The following MOV10L1 variants were observed in gnomAD, a reference collection of about 807,000 sequenced individuals.
The protein encoded by MOV10L1 is RNA helicase Mov10l1.
Under a neutral mutation model 143.8 loss-of-function variants are expected in MOV10L1, and 110 were observed. That is an observed-to-expected ratio of 0.76 (90% confidence interval 0.66 to 0.90). MOV10L1 has a LOEUF of 0.90. Ranked by LOEUF, MOV10L1 falls within the 40% of genes least tolerant of loss-of-function variation. The probability of loss-of-function intolerance (pLI) is 0.00; values close to 1 mark genes in which losing one functional copy is unlikely to be tolerated. For synonymous variants in MOV10L1, 593 were observed against 581.1 expected (o/e 1.02, Z -0.29); for missense variants, 1,406 against 1,526.8 (o/e 0.92, Z 1.32).
At chr22:50,128,285 T>C (rs531799649) in intron 12 of MOV10L1, 131 bp from the exon 13 acceptor site, 2 of 613,444 alleles carry the variant, frequency 3.3e-6, no homozygotes, top group East Asian at 5.5e-5. Context: ...AATGATTTAA[T>C]CCTTTTCAAC....
chr22:50,125,630 A>C, intron 11 of MOV10L1, 61 bp downstream of exon 11: 1 of 1,513,216 alleles, frequency 6.6e-7, no homozygotes, highest in African/African-American at 1.4e-5. Context: ...ACTTGAGAGA[A>C]GATACTCTTT....
chr22:50,154,972 T>C (rs2147453413), intron 22 of MOV10L1, among the ~76,000 whole-genome samples: 1 of 152,292 alleles, frequency 6.6e-6, no homozygotes, highest in Non-Finnish European at 1.5e-5. Flanking sequence ...TGGGAGTCAG[T>C]TTGCTTTTAG....
rs895101730 is a variant in MOV10L1, at chr22:50,152,653, A to C, written c.2893-392A>C. ...TCCTTCCCTGTGGCCAAGCGGAGGC[A>C]GGGCTGTGTGGGCCAACAAGATGCT... On this transcript the variant is annotated intron_variant, in intron 21 of 26. Coordinates refer to ENST00000262794, the MANE Select transcript of MOV10L1 (RefSeq NM_018995.3). The surrounding 1 kb of genome is among the most constrained non-coding windows in gnomAD (Gnocchi z 4.4). 3.3e-5 allele frequency among the ~76,000 whole-genome samples: 5 copies of C among 152,126 alleles called. No homozygotes were observed.
At chr22:50,128,391 G>A (rs752230442) in intron 12 of MOV10L1, 25 bp from the exon 13 acceptor site, 1 of 1,187,404 alleles carries the variant, frequency 8.4e-7, no homozygotes, top group Non-Finnish European at 1.2e-6. Flanking sequence ...CAAGAAATCA[G>A]GTATATTGTT....
At chr22:50,106,324 TC>T (rs905184016) in intron 3 of MOV10L1, among the ~76,000 whole-genome samples, 2 of 115,010 alleles carry the variant, frequency 1.7e-5, no homozygotes, top group Non-Finnish European at 3.7e-5. Flanking sequence ...CCCAACTAAT[TC>T]TTTTTTTTTT....
At chr22:50,144,062 G>A (rs1322610894) in intron 17 of MOV10L1, 35 bp from the exon 18 acceptor site, 1 of 1,588,672 alleles carries the variant, frequency 6.3e-7, no homozygotes, top group African/African-American at 1.3e-5. Flanking sequence ...CGGTGTGGAT[G>A]TTGAGCCTTG....
In MOV10L1 at chr22:50,161,048, C is replaced by T. The variant is rs1196099671; in HGVS notation, c.3547C>T (p.Leu1183=). The T allele has an allele frequency of 6.2e-7, 1 of 1,614,010 alleles. No homozygotes were observed. The highest frequency in any genetic ancestry group is 1.3e-5 in the African/African-American group (1 of 75,052). The change falls in exon 26 of 27, where the codon CTG becomes TTG. Residue 1183 remains leucine (L), a synonymous_variant. Coordinates refer to ENST00000262794, the MANE Select transcript of MOV10L1 (RefSeq NM_018995.3). ...CGATTTACCTCCTGCACTGCAGTCT[C>T]TGCAAAAGTGAGCGCTTCTGCTGTC... The part of the protein sequence containing the change: ...GCDLPPALQS[L]QNCGEGVADP...
chr22:50,134,043 C>T lies in MOV10L1; in HGVS notation c.1947C>T (p.His649=), dbSNP rs755647647. Residue 649 remains histidine (H), a synonymous_variant, in exon 14 of 27, where the codon CAC becomes CAT. Transcript: ENST00000262794. Reference sequence around the variant, plus strand: ...GACGGTGTCACTTTGCACTTGAACACGTCATCCACTTAGGTGTAAAAGGTA... The same window carrying T: ...GACGGTGTCACTTTGCACTTGAACATGTCATCCACTTAGGTGTAAAAGGTA... ...TSRRCHFALE[H]VIHLGVKVLF... 1.3e-5 allele frequency: 21 copies of T among 1,612,042 alleles called. No homozygotes were observed. Among genetic ancestry groups the T allele is most frequent in the Middle Eastern group, 1.6e-4 (1 of 6,082 alleles).
In MOV10L1 at chr22:50,161,346, TC is replaced by T. The variant is rs1364641566; in HGVS notation, c.3555-20del. On this transcript the variant is annotated intron_variant, in intron 26 of 26. Coordinates refer to ENST00000262794, the MANE Select transcript of MOV10L1 (RefSeq NM_018995.3). ...CTGTGGGAGCCTGGCTCACTGGCCATCCGCTTCTCCTCTGTCTACAGCTGTG... is the reference window on the plus strand; with the variant it reads ...CTGTGGGAGCCTGGCTCACTGGCCATCGCTTCTCCTCTGTCTACAGCTGTG... 16 of 1,545,952 alleles carry T rather than the reference TC, an allele frequency of 1.0e-5. No individual in the cohort carries two copies. In the Admixed American group the frequency reaches 1.4e-4, roughly 14 times the overall value.
rs749833635 is a variant in MOV10L1 at position 50,143,352 on chromosome 22, C to A, written c.2358+131C>A. On this transcript the variant is annotated intron_variant, in intron 17 of 26. Transcript: ENST00000262794. ...AGAGCTTGAGAAATACCAGTTATTT[C>A]ATAATGTTAAGTCTGTTTTTGTGGA... 9 of 1,045,786 alleles carry A rather than the reference C, an allele frequency of 8.6e-6. No homozygotes were observed. In the East Asian group the frequency reaches 1.7e-4, roughly 20 times the overall value. The allele number at this position is 1,045,786 out of a possible 1,614,324, so 64.8% of individuals were successfully genotyped here. A position where few individuals can be genotyped will look rare whatever the true frequency, so the allele number is the denominator to read the frequency against.
intron 22 of MOV10L1, among the ~76,000 whole-genome samples, chr22:50,157,356 C>A (rs913746607): frequency 6.6e-6 from 1 of 152,180 alleles, no homozygotes; most frequent in African/African-American, 2.4e-5. Flanking sequence ...TCCAGCATAT[C>A]CCTTTTAGTT....
intron 10 of MOV10L1, among the ~76,000 whole-genome samples, 173 bp downstream of exon 10, chr22:50,120,789 C>T (rs1422934264): frequency 1.3e-5 from 2 of 152,214 alleles, no homozygotes. Context: ...CACCATAGCA[C>T]TCACGCTGCC....
In MOV10L1 at chr22:50,152,109, G is replaced by C. The variant is rs556969407; in HGVS notation, c.2893-936G>C. ...GAGGACTCACGGGGCCAATCATGGCGTTCTCGTGCCAGTGTCATCTGGCGA... is the reference window on the plus strand; with the variant it reads ...GAGGACTCACGGGGCCAATCATGGCCTTCTCGTGCCAGTGTCATCTGGCGA... On this transcript the variant is annotated intron_variant, in intron 21 of 26. Transcript: ENST00000262794. This position sits in a 1 kb window ranked among gnomAD's most constrained non-coding sequence, Gnocchi z 4.4. Among the ~76,000 whole-genome samples the C allele has an allele frequency of 6.6e-6, 1 of 152,054 alleles. No individual in the cohort carries two copies. Among genetic ancestry groups the C allele is most frequent in the Non-Finnish European group, 1.5e-5 (1 of 68,000 alleles).
At chr22:50,142,324 C>G (rs2063012395) in intron 16 of MOV10L1, 135 bp downstream of exon 16, 4 of 580,678 alleles carry the variant, frequency 6.9e-6, no homozygotes, top group South Asian at 2.4e-5. Context: ...CGGCTGCCGT[C>G]TCCACCCTGA....
intron 2 of MOV10L1, among the ~76,000 whole-genome samples, chr22:50,098,218 G>GTATTAAGATTAACATCTTAATAATAAT (rs60705921): frequency 0.26 from 33,474 of 127,810 alleles, 5,331 homozygotes; most frequent in East Asian, 0.55. Context: ...TAATAATTAA[G>GTATTAAGATTAACATCTTAATAATAAT]TATTAAGATT....
intron 22 of MOV10L1, 27 bp downstream of exon 22, chr22:50,153,245 G>T: frequency 6.3e-7 from 1 of 1,599,294 alleles, no homozygotes; most frequent in South Asian, 1.1e-5. Context: ...ATCCGTAGGT[G>T]ACCGTGTCGG....
chr22:50,095,912 G>A (rs2062576493), intron 2 of MOV10L1: 1 of 152,008 alleles, frequency 6.6e-6, no homozygotes. Context: ...CATAGTTTCT[G>A]TCCCTTTGCT....
Position 50,158,623 on chromosome 22 carries a change from G to T in MOV10L1, c.3216+417G>T, listed in dbSNP as rs1417608793. ...GAGAGTTAGCGTCCCCAGGCCCCAG[G>T]GGCTGGTCCCAGGAAGCATCTCCAC... On this transcript the variant is annotated intron_variant, in intron 23 of 26. Transcript: ENST00000262794. This position sits in a 1 kb window ranked among gnomAD's most constrained non-coding sequence, Gnocchi z 5.0. The T allele has an allele frequency of 1.9e-5, 3 of 161,272 alleles. No homozygotes were observed. The highest frequency in any genetic ancestry group is 4.1e-5 in the Non-Finnish European group (3 of 73,952). 10.0% of individuals were successfully genotyped at this position (161,272 alleles called of 1,614,324 possible). A position where few individuals can be genotyped will look rare whatever the true frequency, so the allele number is the denominator to read the frequency against.
At chr22:50,103,047 G>A (rs188941021) in intron 3 of MOV10L1, among the ~76,000 whole-genome samples, 2 of 152,330 alleles carry the variant, frequency 1.3e-5, no homozygotes, top group African/African-American at 2.4e-5. Flanking sequence ...CAGGTGTGGC[G>A]GGAGGAGGGT....
Sources: allele counts gnomAD v4.1 joint callset (sites outside exome capture counted in the v4.1 genomes callset), GRCh38; gene constraint gnomAD v4.1.1; non-coding constraint Gnocchi (gnomAD v3.1); transcripts MANE v1.5; gene names NCBI Gene and HGNC (gene_info 2026-07-23, HGNC 2026-07-21).